WNK2: variants seen among roughly 807,000 people sequenced by gnomAD.
WNK2 encodes the protein serine/threonine-protein kinase WNK2.
A neutral mutation model predicts 192.1 loss-of-function variants in WNK2; 67 were observed. The observed-to-expected ratio is 0.35, with a 90% CI of 0.29 to 0.43. The LOEUF (loss-of-function observed/expected upper bound fraction) is 0.43, where lower values mean the gene tolerates loss of function less well. Among genes scored for constraint, WNK2 ranks in the 20% least tolerant of loss-of-function variants. The pLI is 1.00. For missense variants in WNK2, 2,698 were observed against 3,089.7 expected, an observed-to-expected ratio of 0.87 and a Z score of 3.01; for synonymous variants, 1,439 against 1,393.9, an observed-to-expected ratio of 1.03 and a Z score of -0.72.
intron 4 of WNK2, among the ~76,000 whole-genome samples, chr9:93,232,681 A>G (rs1839032080): frequency 6.6e-6 from 1 of 152,150 alleles, no homozygotes. Context: ...CCTCTTGGAA[A>G]CGAAGTTTCG....
chr9:93,219,598 AGGCG>A lies in WNK2; in HGVS notation c.682-10097_682-10094del, dbSNP rs1208364347. 7.9e-5 allele frequency among the ~76,000 whole-genome samples: 12 copies of A among 152,348 alleles called. No individual in the cohort carries two copies. In the East Asian group the frequency reaches 9.6e-4, roughly 12 times the overall value. On this transcript the variant is annotated intron_variant, in intron 2 of 29. Transcript: ENST00000427277. Reference sequence around the variant, plus strand: ...GACCCCTGTCCACAGAGGGCTGGGCAGGCGCCTACTCAGGGTAGTGTGGGCCGAG... The same window carrying A: ...GACCCCTGTCCACAGAGGGCTGGGCACCTACTCAGGGTAGTGTGGGCCGAG...
chr9:93,292,058 G>T (rs753933550), intron 21 of WNK2, among the ~76,000 whole-genome samples: 22 of 152,214 alleles, frequency 1.4e-4, no homozygotes, highest in Non-Finnish European at 2.2e-4. Context: ...CTCTTGCCCG[G>T]GTTTATTGGG....
chr9:93,270,730 C>G (rs371202338), intron 19 of WNK2, among the ~76,000 whole-genome samples: 1 of 152,188 alleles, frequency 6.6e-6, no homozygotes, highest in Non-Finnish European at 1.5e-5. Flanking sequence ...TTGCTCACCC[C>G]CCTTCTCTTG....
intron 23 of WNK2, among the ~76,000 whole-genome samples, chr9:93,297,075 C>T (rs570526815): frequency 6.3e-5 from 9 of 141,930 alleles, no homozygotes; most frequent in South Asian, 2.4e-4. Flanking sequence ...CCTCCACATC[C>T]TCTTCTCGGC....
intron 28 of WNK2, among the ~76,000 whole-genome samples, chr9:93,311,640 T>TG (rs1554755231): frequency 1.3e-5 from 2 of 151,644 alleles, no homozygotes; most frequent in South Asian, 2.1e-4. Context: ...TGTGTGTGTG[T>TG]TTTGAGACGG....
rs772365514 is a variant in WNK2 at position 93,317,503 on chromosome 9, G to A, written c.6517-17G>A. 1.5e-5 allele frequency: 24 copies of A among 1,612,838 alleles called. No individual in the cohort carries two copies. The East Asian group carries it at 3.3e-4, about 22-fold the overall frequency. ...CAGCCACGTGTACCTTCCTCTTCTC[G>A]TCTCTGTGTTTTGTAGATGACCGCA... On this transcript the variant is annotated splice_polypyrimidine_tract_variant and intron_variant, in intron 28 of 29. Coordinates refer to ENST00000427277, the MANE Select transcript of WNK2 (RefSeq NM_006648.4).
chr9:93,241,156 C>A (rs1588125057), intron 7 of WNK2, among the ~76,000 whole-genome samples: 2 of 152,232 alleles, frequency 1.3e-5, no homozygotes, highest in Non-Finnish European at 1.5e-5. Flanking sequence ...GGCCTAGAGA[C>A]AGACAGAGAC....
At chr9:93,244,991 G>A (rs533481405) in intron 7 of WNK2, among the ~76,000 whole-genome samples, 2 of 152,244 alleles carry the variant, frequency 1.3e-5, no homozygotes, top group East Asian at 1.9e-4. Flanking sequence ...TGACTGAGCC[G>A]TAAGCTTCTG....
chr9:93,228,499 C>G (rs1021666728), intron 2 of WNK2, among the ~76,000 whole-genome samples: 1 of 152,182 alleles, frequency 6.6e-6, no homozygotes, highest in African/African-American at 2.4e-5. Context: ...TTTCTGGTTT[C>G]CTTCGGAAAA....
At position 93,239,951 on chromosome 9, in the gene WNK2, C is replaced by T. The variant is rs775049337; in HGVS notation, c.1517C>T (p.Thr506Met). The change falls in exon 7 of 30, where the codon ACG becomes ATG. Residue 506 changes from threonine (T) to methionine (M), a missense_variant. This residue lies in a region of WNK2 where 230 missense variants were observed against 501.1 expected (regional missense o/e 0.46). Transcript: ENST00000427277. This position sits in a 1 kb window ranked among gnomAD's most constrained non-coding sequence, Gnocchi z 4.2. ...TTCACCTTCGACCTGGAGAAGGAGA[C>T]GCCGGATGAGGTGGCCCAAGAGATG... ...IEFTFDLEKE[T>M]PDEVAQEMIE... 16 of 1,611,818 alleles carry T rather than the reference C, an allele frequency of 9.9e-6. No homozygotes were observed. The highest frequency in any genetic ancestry group is 4.4e-5 in the South Asian group (4 of 90,402).
Position 93,272,734 on chromosome 9 carries a change from G to A in WNK2, c.4033+3988G>A, listed in dbSNP as rs1210236017. On this transcript the variant is annotated intron_variant, in intron 19 of 29. Transcript: ENST00000427277. ...GCCTGGGCAACAAGAGCGAAACTCC[G>A]TCTCAAAAAAAAAAAAAAAAAATTC... 3.6e-3 allele frequency among the ~76,000 whole-genome samples: 17 copies of A among 4,782 alleles called. 1 individual carries two copies. Among genetic ancestry groups the A allele is most frequent in the African/African-American group, 0.014 (17 of 1,232 alleles). The allele number at this position is 4,782 out of a possible 152,430, so 3.1% of individuals were successfully genotyped here. A position where few individuals can be genotyped will look rare whatever the true frequency, so the allele number is the denominator to read the frequency against.
intron 7 of WNK2, 101 bp downstream of exon 7, chr9:93,240,077 G>A (rs985532395): frequency 4.7e-5 from 58 of 1,233,992 alleles, no homozygotes; most frequent in Non-Finnish European, 5.7e-5. Context: ...GCTCCGGAGG[G>A]GACTGCAAGG....
At chr9:93,226,293 C>T (rs1837806133) in intron 2 of WNK2, among the ~76,000 whole-genome samples, 1 of 152,238 alleles carries the variant, frequency 6.6e-6, no homozygotes, top group Non-Finnish European at 1.5e-5. Context: ...CCTTCCAGCT[C>T]AGGGAAATGC....
intron 19 of WNK2, among the ~76,000 whole-genome samples, chr9:93,284,949 C>G (rs961457122): frequency 1.3e-5 from 2 of 152,160 alleles, no homozygotes; most frequent in Non-Finnish European, 2.9e-5. Context: ...ATCAACCACT[C>G]TGTAAATGGA....
Position 93,259,192 on chromosome 9 carries a change from G to A in WNK2, c.2644G>A (p.Ala882Thr). The change falls in exon 12 of 30, where the codon GCC becomes ACC. Residue 882 changes from alanine to threonine, a missense_variant. Around this residue, in one of 7 missense-constraint regions of WNK2, gnomAD observed 893 missense variants for 909.0 expected, o/e 0.98. Coordinates refer to ENST00000427277, the MANE Select transcript of WNK2 (RefSeq NM_006648.4). This position sits in a 1 kb window ranked among gnomAD's most constrained non-coding sequence, Gnocchi z 4.8. ...PCRTIVPNAPATIPLLAVAPP... is the reference protein window; with the variant it reads ...PCRTIVPNAPTTIPLLAVAPP... ...CCGGACCATTGTGCCAAATGCACCG[G>A]CCACTATCCCCCTGCTGGCCGTAGC... 1 of 1,612,830 alleles carries A rather than the reference G, an allele frequency of 6.2e-7. No individual in the cohort carries two copies.
intron 7 of WNK2, among the ~76,000 whole-genome samples, chr9:93,244,494 G>A (rs1841341486): frequency 6.6e-6 from 1 of 152,240 alleles, no homozygotes; most frequent in African/African-American, 2.4e-5. Context: ...ACTTTAGAGA[G>A]GAAGGCTGGG....
intron 2 of WNK2, among the ~76,000 whole-genome samples, chr9:93,211,646 C>G (rs1453780599): frequency 6.7e-6 from 1 of 148,772 alleles, no homozygotes; most frequent in Non-Finnish European, 1.5e-5. Flanking sequence ...ATCCACTCAC[C>G]CACCCACTCA....
intron 2 of WNK2, among the ~76,000 whole-genome samples, chr9:93,192,568 C>T (rs2131018393): frequency 6.6e-6 from 1 of 151,840 alleles, no homozygotes; most frequent in Admixed American, 6.6e-5. Context: ...CAGGGATGGG[C>T]CAGGACTGTG....
chr9:93,278,913 A>G (rs1847326723), intron 19 of WNK2, among the ~76,000 whole-genome samples: 1 of 152,266 alleles, frequency 6.6e-6, no homozygotes, highest in Admixed American at 6.5e-5. Context: ...AATGTAGAAA[A>G]AGCGGTTGAC....
Sources: allele counts gnomAD v4.1 joint callset (sites outside exome capture counted in the v4.1 genomes callset), GRCh38; gene constraint gnomAD v4.1.1; regional missense constraint gnomAD v4.1.1; non-coding constraint Gnocchi (gnomAD v3.1); transcripts MANE v1.5; gene names NCBI Gene and HGNC (gene_info 2026-07-23, HGNC 2026-07-21).